The following ARHGEF40 variants were observed in gnomAD, a reference collection of about 807,000 sequenced individuals.
ARHGEF40 encodes Rho guanine nucleotide exchange factor 40.
In ARHGEF40, 98 loss-of-function variants were observed where a neutral mutation model predicts 165.9. That is an observed-to-expected ratio of 0.59 (90% CI 0.50 to 0.70). The LOEUF (loss-of-function observed/expected upper bound fraction) is 0.70, where lower values mean the gene tolerates loss of function less well. Among genes scored for constraint, ARHGEF40 ranks in the 30% least tolerant of loss-of-function variants. ARHGEF40 has a pLI of 0.00. For synonymous variants in ARHGEF40, 792 were observed against 814.3 expected, an observed-to-expected ratio of 0.97 and a Z score of 0.47; for missense variants, 1,815 against 1,968.0, an observed-to-expected ratio of 0.92 and a Z score of 1.47.
chr14:21,062,868 C>T, the ARHGEF40 span, among the ~76,000 whole-genome samples: 1 of 150,430 alleles, frequency 6.6e-6, no homozygotes, highest in African/African-American at 2.5e-5. Context: ...AATTCCAACA[C>T]TTTGGGAGGC....
the ARHGEF40 span, among the ~76,000 whole-genome samples, chr14:21,063,877 A>G: frequency 7.9e-5 from 12 of 152,300 alleles, no homozygotes; most frequent in African/African-American, 2.4e-4. Flanking sequence ...GAATTTACCT[A>G]TGGAGATAGC....
chr14:21,081,615 C>T lies in ARHGEF40; in HGVS notation c.2747C>T (p.Ala916Val). The T allele has an allele frequency of 6.2e-7, 1 of 1,610,760 alleles. No individual in the cohort carries two copies. Among genetic ancestry groups the T allele is most frequent in the Non-Finnish European group, 8.5e-7 (1 of 1,179,084 alleles). Residue 916 changes from alanine to valine, a missense_variant, in exon 14 of 24, where the codon GCC becomes GTC. Physicochemically the swap from Ala to Val is moderately conservative, Grantham distance 64. Coordinates refer to ENST00000298694, the MANE Select transcript of ARHGEF40 (RefSeq NM_018071.5). The part of the protein sequence containing the change: ...LALRRAPEPS[A>V]GTFQEMRALA... ...CTGCGGCGGGCCCCAGAGCCCAGTG[C>T]CGGCACCTTCCAGGAGATGCGGGCC...
At position 21,089,137 on chromosome 14, in the gene ARHGEF40, A is replaced by T. The variant is rs1888629707; in HGVS notation, c.*129A>T. On this transcript the variant is annotated 3_prime_UTR_variant, in exon 24 of 24. Coordinates refer to ENST00000298694, the MANE Select transcript of ARHGEF40 (RefSeq NM_018071.5). ...TCCCTCTGCTTCCTGGACACAGAGGAGGTCTAACGACCAGAGTATTGCCCT... is the reference window on the plus strand; with the variant it reads ...TCCCTCTGCTTCCTGGACACAGAGGTGGTCTAACGACCAGAGTATTGCCCT... 3 of 452,240 alleles carry T rather than the reference A, an allele frequency of 6.6e-6. No individual in the cohort carries two copies. The highest frequency in any genetic ancestry group is 1.2e-5 in the Non-Finnish European group (3 of 253,750). The allele number at this position is 452,240 out of a possible 1,614,324, so 28.0% of individuals were successfully genotyped here. A position where few individuals can be genotyped will look rare whatever the true frequency, so the allele number is the denominator to read the frequency against.
the ARHGEF40 span, among the ~76,000 whole-genome samples, chr14:21,064,598 A>T: frequency 2.0e-5 from 3 of 152,190 alleles, no homozygotes; most frequent in African/African-American, 7.2e-5. Context: ...CACCGCACCC[A>T]GCCTACTTGA....
chr14:21,080,237 CA>C (rs1566530658), intron 11 of ARHGEF40, among the ~76,000 whole-genome samples: 5,248 of 144,460 alleles, frequency 0.036, 282 homozygotes, highest in Admixed American at 0.15. Flanking sequence ...CACACACACA[CA>C]CACACACACA....
chr14:21,071,155 G>A (rs1238302341), intron 1 of ARHGEF40, among the ~76,000 whole-genome samples: 1 of 152,208 alleles, frequency 6.6e-6, no homozygotes, highest in Non-Finnish European at 1.5e-5. Context: ...GGAGCTCCCT[G>A]CAGGGACTAG....
upstream of ARHGEF40, among the ~76,000 whole-genome samples, chr14:21,066,967 C>G (rs1886301313): frequency 6.6e-6 from 1 of 152,182 alleles, no homozygotes; most frequent in South Asian, 2.1e-4. Context: ...AACACGTGCT[C>G]TCAAGTCCGT....
upstream of ARHGEF40, among the ~76,000 whole-genome samples, chr14:21,066,225 G>C (rs916910583): frequency 6.6e-6 from 1 of 152,116 alleles, no homozygotes; most frequent in Admixed American, 6.5e-5. Context: ...GAAAAGAAAA[G>C]GAGAGATAGG....
Position 21,070,418 on chromosome 14 carries a change from C to T in ARHGEF40, c.3+19C>T. 1 of 1,404,886 alleles carries T rather than the reference C, an allele frequency of 7.1e-7. No individual in the cohort carries two copies. The highest frequency in any genetic ancestry group is 9.2e-7 in the Non-Finnish European group (1 of 1,088,498). The allele number at this position is 1,404,886 out of a possible 1,614,324, so 87.0% of individuals were successfully genotyped here. A position where few individuals can be genotyped will look rare whatever the true frequency, so the allele number is the denominator to read the frequency against. ...AGCCATGGTGAGTCCAGCGTCGCAG[C>T]CCCCTGGGTCCCCTCGGCCTTCGCG... On this transcript the variant is annotated intron_variant, in intron 1 of 23. Coordinates refer to ENST00000298694, the MANE Select transcript of ARHGEF40 (RefSeq NM_018071.5). This position sits in a 1 kb window ranked among gnomAD's most constrained non-coding sequence, Gnocchi z 4.7.
chr14:21,079,282 G>A (rs931137769), intron 11 of ARHGEF40, among the ~76,000 whole-genome samples: 2 of 152,180 alleles, frequency 1.3e-5, no homozygotes, highest in Non-Finnish European at 2.9e-5. Flanking sequence ...TGCCCTAGGG[G>A]ATTCTGAAGA....
At position 21,083,884 on chromosome 14, in the gene ARHGEF40, TG is replaced by T; in HGVS notation, c.3625del (p.Glu1209AsnfsTer3). ...CTGCCCCGAGCCCTGCAGCAGCCTC[TG>T]GAACAGCTGACTCGGTATGGGCGGC... is the stretch of plus-strand genomic sequence containing the variant. ...PYLPRALQQP[L>X]EQLTRYGRLL... On this transcript the variant is annotated frameshift_variant, in exon 17 of 24. Coordinates refer to ENST00000298694, the MANE Select transcript of ARHGEF40 (RefSeq NM_018071.5). LOFTEE classifies it high-confidence loss of function. 1.9e-6 allele frequency: 3 copies of T among 1,614,058 alleles called. No homozygotes were observed. The highest frequency in any genetic ancestry group is 8.5e-7 in the Non-Finnish European group (1 of 1,180,036).
chr14:21,073,771 C>G lies in ARHGEF40; in HGVS notation c.202-161C>G, dbSNP rs550364692. Reference sequence around the variant, plus strand: ...GACCGATCAGTCCCAATCCCTTCCTCTCTGCCACCTGAATACCCCAAATCT... The same window carrying G: ...GACCGATCAGTCCCAATCCCTTCCTGTCTGCCACCTGAATACCCCAAATCT... On this transcript the variant is annotated intron_variant, in intron 2 of 23. Transcript: ENST00000298694. This position sits in a 1 kb window ranked among gnomAD's most constrained non-coding sequence, Gnocchi z 4.6. 3.3e-4 allele frequency among the ~76,000 whole-genome samples: 51 copies of G among 152,316 alleles called. No individual in the cohort carries two copies. The highest frequency in any genetic ancestry group is 1.1e-3 in the African/African-American group (44 of 41,558).
At chr14:21,064,793 C>T in the ARHGEF40 span, among the ~76,000 whole-genome samples, 1 of 152,202 alleles carries the variant, frequency 6.6e-6, no homozygotes, top group Non-Finnish European at 1.5e-5. Context: ...TTCCAGAAGT[C>T]CCCCTCCAAA....
chr14:21,079,035 C>T (rs1190715771), intron 11 of ARHGEF40, 25 bp downstream of exon 11: 11 of 1,603,450 alleles, frequency 6.9e-6, no homozygotes, highest in Non-Finnish European at 9.4e-6. Flanking sequence ...CCACGTCCCT[C>T]TTACTCAGCC....
At position 21,081,617 on chromosome 14, in the gene ARHGEF40, G is replaced by A. The variant is rs201733631; in HGVS notation, c.2749G>A (p.Gly917Ser). 1.7e-3 allele frequency: 2,818 copies of A among 1,610,632 alleles called. 24 individuals are homozygous for A. The highest frequency in any genetic ancestry group is 1.9e-3 in the South Asian group (172 of 90,940). Residue 917 changes from glycine to serine, a missense_variant, in exon 14 of 24, where the codon GGC becomes AGC. By Grantham distance (56) the Gly-to-Ser change is moderately conservative. Coordinates refer to ENST00000298694, the MANE Select transcript of ARHGEF40 (RefSeq NM_018071.5). ...GCGGCGGGCCCCAGAGCCCAGTGCC[G>A]GCACCTTCCAGGAGATGCGGGCCCT... The part of the protein sequence containing the change: ...ALRRAPEPSA[G>S]TFQEMRALAL...
In ARHGEF40 at chr14:21,084,017, C is replaced by T; in HGVS notation, c.3756C>T (p.Asp1252=). 1 of 1,611,768 alleles carries T rather than the reference C, an allele frequency of 6.2e-7. No individual in the cohort carries two copies. The highest frequency in any genetic ancestry group is 1.1e-5 in the South Asian group (1 of 90,754). ...GGGAACAAGAGGCCCGTGGCAGAGA[C>T]CTGCTGGCCGTGGAGGCGGTGCGTG... The part of the protein sequence containing the change: ...LLREQEARGR[D]LLAVEAVRGC... Residue 1252 remains aspartate, a synonymous_variant, in exon 17 of 24, where the codon GAC becomes GAT. Transcript: ENST00000298694.
rs760186088 is a variant in ARHGEF40, at chr14:21,076,623, A to C, written c.1897A>C (p.Thr633Pro). ...LLILIHDDLP[T>P]ELCGFQGAEV... is the part of the protein sequence containing the mutation. ...GATTCTCATTCATGATGACCTTCCA[A>C]CTGAACTCTGTGGATTTCAGGTTTG... Residue 633 changes from threonine to proline, a missense_variant, in exon 7 of 24, where the codon ACT becomes CCT. Physicochemically the swap from Thr to Pro is conservative, Grantham distance 38. Transcript: ENST00000298694. 23 of 1,613,852 alleles carry C rather than the reference A, an allele frequency of 1.4e-5. No homozygotes were observed. In the South Asian group the frequency reaches 2.4e-4, roughly 17 times the overall value.
At chr14:21,063,218 A>ATG in the ARHGEF40 span, among the ~76,000 whole-genome samples, 8 of 149,648 alleles carry the variant, frequency 5.3e-5, no homozygotes, top group South Asian at 2.1e-4. Context: ...AGTGGTGTGT[A>ATG]TGTGTGTGTG....
intron 17 of ARHGEF40, among the ~76,000 whole-genome samples, 176 bp downstream of exon 17, chr14:21,084,226 T>C (rs1888167025): frequency 6.6e-6 from 1 of 152,192 alleles, no homozygotes; most frequent in Admixed American, 6.5e-5. Context: ...ACTTTCCTCA[T>C]TTGTAAATAA....
Sources: allele counts gnomAD v4.1 joint callset (sites outside exome capture counted in the v4.1 genomes callset), GRCh38; gene constraint gnomAD v4.1.1; non-coding constraint Gnocchi (gnomAD v3.1); transcripts MANE v1.5; gene names NCBI Gene and HGNC (gene_info 2026-07-23, HGNC 2026-07-21).